GRAMD1B: variants seen among roughly 807,000 people sequenced by gnomAD.
The protein encoded by GRAMD1B is GRAM domain containing 1B, also known as protein Aster-B.
A neutral mutation model predicts 99.7 loss-of-function variants in GRAMD1B; 37 were observed. That is an observed-to-expected ratio of 0.37 (90% CI 0.29 to 0.49). The LOEUF is 0.49. GRAMD1B is among the 20% of genes least tolerant of loss of function. The pLI is 0.98. For synonymous variants in GRAMD1B, 427 were observed against 387.6 expected (o/e 1.10, Z -1.19); for missense variants, 888 against 1,009.2 (o/e 0.88, Z 1.63).
At chr11:123,376,650 CAA>C (rs1267868305) in intron 1 of GRAMD1B, among the ~76,000 whole-genome samples, 1 of 152,162 alleles carries the variant, frequency 6.6e-6, no homozygotes. Flanking sequence ...AGCTTAAGCG[CAA>C]AGACAATCTC....
At chr11:123,570,796 A>G (rs1565389955) in intron 2 of GRAMD1B, among the ~76,000 whole-genome samples, 1 of 152,238 alleles carries the variant, frequency 6.6e-6, no homozygotes, top group South Asian at 2.1e-4. Flanking sequence ...TAAATATTTT[A>G]CTTAGGTTAT....
chr11:123,457,113 G>GA (rs201957336), intron 1 of GRAMD1B, among the ~76,000 whole-genome samples: 2 of 141,862 alleles, frequency 1.4e-5, no homozygotes. Flanking sequence ...CCCTTTCTGA[G>GA]AAAAAAAGAA....
At chr11:123,565,854 A>G (rs906866249) in intron 2 of GRAMD1B, among the ~76,000 whole-genome samples, 1 of 152,214 alleles carries the variant, frequency 6.6e-6, no homozygotes, top group African/African-American at 2.4e-5. Flanking sequence ...TCTGTTGTGA[A>G]CAATCTCAGG....
At chr11:123,401,119 TG>T (rs1947645086) in intron 1 of GRAMD1B, among the ~76,000 whole-genome samples, 2 of 152,328 alleles carry the variant, frequency 1.3e-5, no homozygotes, top group East Asian at 3.9e-4. Context: ...ACTTTCTAGA[TG>T]AAGAGATGAA....
intron 3 of GRAMD1B, among the ~76,000 whole-genome samples, chr11:123,581,198 C>T (rs1432289592): frequency 6.6e-6 from 1 of 152,136 alleles, no homozygotes; most frequent in Non-Finnish European, 1.5e-5. Flanking sequence ...ATGATAGAAA[C>T]GAGCATGTCC....
chr11:123,488,418 A>G (rs1043143451), intron 2 of GRAMD1B, among the ~76,000 whole-genome samples: 4 of 152,184 alleles, frequency 2.6e-5, no homozygotes, highest in East Asian at 3.9e-4. Context: ...TGGGCATGGT[A>G]TAATGGAAAA....
At chr11:123,618,595 G>A (rs1954746752) in intron 17 of GRAMD1B, 98 bp from the exon 18 acceptor site, 2 of 826,330 alleles carry the variant, frequency 2.4e-6, no homozygotes, top group Admixed American at 1.8e-5. Context: ...GCTTTGGATG[G>A]CCCACCGGTC....
intron 1 of GRAMD1B, among the ~76,000 whole-genome samples, chr11:123,413,346 G>A (rs1221188644): frequency 1.3e-5 from 2 of 152,126 alleles, no homozygotes; most frequent in South Asian, 4.1e-4. Flanking sequence ...GAGATTAGGG[G>A]CTCTCTGCTT....
At chr11:123,532,941 A>G (rs370114504) in intron 2 of GRAMD1B, among the ~76,000 whole-genome samples, 12 of 152,214 alleles carry the variant, frequency 7.9e-5, no homozygotes, top group African/African-American at 2.2e-4. Context: ...TAGTTTAAGC[A>G]AATAGAGATA....
chr11:123,574,194 G>A (rs904999907), intron 2 of GRAMD1B, among the ~76,000 whole-genome samples: 2 of 152,136 alleles, frequency 1.3e-5, no homozygotes, highest in African/African-American at 4.8e-5. Flanking sequence ...GAAAGAGCAT[G>A]TATATTAAGG....
chr11:123,618,585 G>T, intron 17 of GRAMD1B, 108 bp from the exon 18 acceptor site: 1 of 815,192 alleles, frequency 1.2e-6, no homozygotes, highest in Non-Finnish European at 2.2e-6. Context: ...TCACTGCAAT[G>T]CTTTGGATGG....
At chr11:123,584,121 T>C (rs1949777606) in intron 3 of GRAMD1B, among the ~76,000 whole-genome samples, 191 bp from the exon 4 acceptor site, 1 of 151,708 alleles carries the variant, frequency 6.6e-6, no homozygotes, top group African/African-American at 2.4e-5. Context: ...CATGGACTGC[T>C]CCCGGGCCTC....
At chr11:123,519,976 G>A (rs1360222486) in intron 2 of GRAMD1B, among the ~76,000 whole-genome samples, 3 of 152,248 alleles carry the variant, frequency 2.0e-5, no homozygotes, top group East Asian at 3.8e-4. Flanking sequence ...GGATGGCCCT[G>A]GGTGTCTGCA....
chr11:123,432,028 C>G (rs1046122619), intron 1 of GRAMD1B: 1 of 398,518 alleles, frequency 2.5e-6, no homozygotes, highest in African/African-American at 2.1e-5. Flanking sequence ...GGTCCTGTCT[C>G]TTAATGGATT....
chr11:123,614,613 T>A, intron 16 of GRAMD1B, 132 bp from the exon 17 acceptor site: 1 of 587,998 alleles, frequency 1.7e-6, no homozygotes. Flanking sequence ...AGTCTCCGCA[T>A]ATCGTTGCTG....
chr11:123,466,481 GAAAGAA>G (rs1950687302), intron 1 of GRAMD1B, among the ~76,000 whole-genome samples: 2 of 151,540 alleles, frequency 1.3e-5, no homozygotes, highest in Non-Finnish European at 3.0e-5. Context: ...AAGAAAGAAA[GAAAGAA>G]AAAGAAAGAA....
chr11:123,512,109 C>T (rs937835100), intron 2 of GRAMD1B, among the ~76,000 whole-genome samples: 2 of 152,192 alleles, frequency 1.3e-5, no homozygotes, highest in Admixed American at 6.5e-5. Context: ...CTGAATAGCC[C>T]CTTTGAATAT....
At chr11:123,522,153 A>G (rs919346505) in intron 2 of GRAMD1B, among the ~76,000 whole-genome samples, 16 of 152,038 alleles carry the variant, frequency 1.1e-4, no homozygotes, top group African/African-American at 3.6e-4. Context: ...AGTGCTTGCG[A>G]TTTATTGGCC....
chr11:123,409,445 T>C (rs1947964613), intron 1 of GRAMD1B, among the ~76,000 whole-genome samples: 1 of 152,192 alleles, frequency 6.6e-6, no homozygotes. Context: ...GCCCCACTCT[T>C]GCTCCCCTGA....
Sources: allele counts gnomAD v4.1 joint callset (sites outside exome capture counted in the v4.1 genomes callset), GRCh38; gene constraint gnomAD v4.1.1; transcripts MANE v1.5; gene names NCBI Gene and HGNC (gene_info 2026-07-23, HGNC 2026-07-21).